The following PCM1 variants were observed in gnomAD, a reference collection of about 807,000 sequenced individuals.
PCM1 encodes the protein pericentriolar material 1 protein.
A neutral mutation model predicts 241.9 loss-of-function variants in PCM1; 157 were observed. That is an observed-to-expected ratio of 0.65 (90% CI 0.57 to 0.74). PCM1 has a LOEUF of 0.74. Ranked by LOEUF, PCM1 falls within the 30% of genes least tolerant of loss-of-function variation. The pLI, the probability that PCM1 is intolerant of heterozygous loss-of-function variation, is 0.00. For missense variants in PCM1, 3,478 were observed against 2,360.1 expected, an observed-to-expected ratio of 1.47 and a Z score of -9.81; for synonymous variants, 1,085 against 784.9, an observed-to-expected ratio of 1.38 and a Z score of -6.39.
rs1282684395 is a variant in PCM1 at position 17,964,622 on chromosome 8, T to C, written c.2709T>C (p.Asp903=). ...AGTGTGCACTAGATGAAGAAGGAGATGAAGACGGTTACCTTTCTGAAGGAA... is the reference window on the plus strand; with the variant it reads ...AGTGTGCACTAGATGAAGAAGGAGACGAAGACGGTTACCTTTCTGAAGGAA... The part of the protein sequence containing the change: ...STQCALDEEG[D]EDGYLSEGIV... Residue 903 remains aspartate, a synonymous_variant, in exon 18 of 39, where the codon GAT becomes GAC. Coordinates refer to ENST00000325083, the MANE Select transcript of PCM1 (RefSeq NM_006197.4). 1 of 1,613,840 alleles carries C rather than the reference T, an allele frequency of 6.2e-7. No individual in the cohort carries two copies. The highest frequency in any genetic ancestry group is 1.1e-5 in the South Asian group (1 of 91,074).
rs552526305 is a variant in PCM1 at position 18,021,006 on chromosome 8, C to G, written c.5842-4355C>G. On this transcript the variant is annotated intron_variant, in intron 36 of 38. Transcript: ENST00000325083. ...AGTATCAAGGAAATGCATGTGTGGA[C>G]TTTTATGGCCAAGTCTGAAATTGAC... is the stretch of plus-strand genomic sequence containing the variant. 3.3e-5 allele frequency among the ~76,000 whole-genome samples: 5 copies of G among 152,274 alleles called. No homozygotes were observed. In the East Asian group the frequency reaches 9.6e-4, roughly 29 times the overall value.
At chr8:18,012,192 T>C (rs1294853841) in intron 34 of PCM1, among the ~76,000 whole-genome samples, 1 of 152,154 alleles carries the variant, frequency 6.6e-6, no homozygotes, top group Non-Finnish European at 1.5e-5. Flanking sequence ...ATACACTGTT[T>C]TTAGTGGTGT....
Position 17,958,375 on chromosome 8 carries a change from A to G in PCM1, c.2040+600A>G, listed in dbSNP as rs140800439. On this transcript the variant is annotated intron_variant, in intron 13 of 38. Coordinates refer to ENST00000325083, the MANE Select transcript of PCM1 (RefSeq NM_006197.4). ...AGAACTATTAATCATAAATTTTAAAAAGCAGTTTATACATATTTTGTATTA... is the reference window on the plus strand; with the variant it reads ...AGAACTATTAATCATAAATTTTAAAGAGCAGTTTATACATATTTTGTATTA... 1.8e-4 allele frequency among the ~76,000 whole-genome samples: 27 copies of G among 152,270 alleles called. No homozygotes were observed. In the East Asian group the frequency reaches 4.6e-3, roughly 26 times the overall value.
chr8:17,939,967 A>G, intron 6 of PCM1, 106 bp downstream of exon 6: 1 of 1,208,184 alleles, frequency 8.3e-7, no homozygotes, highest in Non-Finnish European at 1.2e-6. Flanking sequence ...TATTTTCAAA[A>G]AATCATGCCA....
At chr8:18,020,988 A>G (rs778105763) in intron 36 of PCM1, among the ~76,000 whole-genome samples, 4 of 152,326 alleles carry the variant, frequency 2.6e-5, no homozygotes, top group African/African-American at 9.6e-5. Context: ...CTGAGTATCA[A>G]GGAAATGCAT....
At chr8:17,961,398 C>T (rs190340313) in intron 15 of PCM1, among the ~76,000 whole-genome samples, 44 of 147,870 alleles carry the variant, frequency 3.0e-4, no homozygotes, top group African/African-American at 1.1e-3. Flanking sequence ...GCAAGCTCCA[C>T]CTCCTGGGTT....
At chr8:17,944,787 T>G (rs1483144360) in intron 6 of PCM1, among the ~76,000 whole-genome samples, 1 of 152,168 alleles carries the variant, frequency 6.6e-6, no homozygotes, top group South Asian at 2.1e-4. Context: ...TCTGAAATGT[T>G]GTTTATATGA....
At chr8:17,957,847 A>C in intron 13 of PCM1, 72 bp downstream of exon 13, 2 of 1,046,290 alleles carry the variant, frequency 1.9e-6, no homozygotes, top group South Asian at 3.0e-5. Context: ...TGTGTATGAT[A>C]ATTACTTTGG....
intron 4 of PCM1, 86 bp downstream of exon 4, chr8:17,937,465 T>G: frequency 2.4e-6 from 3 of 1,242,914 alleles, no homozygotes; most frequent in South Asian, 3.0e-5. Flanking sequence ...AATAAAAAAT[T>G]GAGCTGTTTA....
Position 17,958,516 on chromosome 8 carries a change from A to G in PCM1, c.2040+741A>G, listed in dbSNP as rs535557138. 1.1e-4 allele frequency among the ~76,000 whole-genome samples: 17 copies of G among 152,286 alleles called. No individual in the cohort carries two copies. The South Asian group carries it at 3.5e-3, about 32-fold the overall frequency. ...TGCCTACACTTATAATTGTATAAAT[A>G]TGTAATTAACTATAATTGTATTACC... is the stretch of plus-strand genomic sequence containing the variant. On this transcript the variant is annotated intron_variant, in intron 13 of 38. Transcript: ENST00000325083.
At chr8:18,003,148 A>G (rs1231497147) in intron 29 of PCM1, among the ~76,000 whole-genome samples, 1 of 152,216 alleles carries the variant, frequency 6.6e-6, no homozygotes, top group Non-Finnish European at 1.5e-5. Flanking sequence ...CTCCATGCTA[A>G]AATACAAGAT....
chr8:18,001,214 A>C (rs892129815), intron 29 of PCM1, among the ~76,000 whole-genome samples: 1 of 152,308 alleles, frequency 6.6e-6, no homozygotes, highest in African/African-American at 2.4e-5. Flanking sequence ...GTAGTCATAA[A>C]ATACAATTTT....
chr8:18,025,374 G>C lies in PCM1; in HGVS notation c.5855G>C (p.Gly1952Ala). 6.3e-7 allele frequency: 1 copy of C among 1,586,034 alleles called. No individual in the cohort carries two copies. Among genetic ancestry groups the C allele is most frequent in the Non-Finnish European group, 8.6e-7 (1 of 1,158,864 alleles). The change falls in exon 37 of 39, where the codon GGT (glycine) becomes GCT (alanine). Residue 1952 changes from glycine (G) to alanine (A), a missense_variant. Coordinates refer to ENST00000325083, the MANE Select transcript of PCM1 (RefSeq NM_006197.4). ...ATTACATTACAGGAAGCAGAATCTG[G>C]TAATATAAGTCAAAAGTCTGATGAA... ...VLVNDYEAES[G>A]NISQKSDEED...
At chr8:17,954,500 T>G (rs1374669924) in intron 9 of PCM1, among the ~76,000 whole-genome samples, 2 of 152,138 alleles carry the variant, frequency 1.3e-5, no homozygotes, top group Non-Finnish European at 2.9e-5. Flanking sequence ...GTCGTCAGTT[T>G]TGTATGCATA....
chr8:17,977,451 T>C (rs2079161198), intron 23 of PCM1, among the ~76,000 whole-genome samples: 1 of 151,924 alleles, frequency 6.6e-6, no homozygotes, highest in African/African-American at 2.4e-5. Flanking sequence ...TTTGGGAAAA[T>C]TATTTGTTGT....
chr8:17,979,141 A>G (rs1406546238), intron 23 of PCM1, among the ~76,000 whole-genome samples: 1 of 152,090 alleles, frequency 6.6e-6, no homozygotes, highest in African/African-American at 2.4e-5. Flanking sequence ...AAGAAAAAAA[A>G]AAAAAAAGCA....
At chr8:17,975,174 GT>G (rs1237454180) in intron 23 of PCM1, among the ~76,000 whole-genome samples, 1 of 152,080 alleles carries the variant, frequency 6.6e-6, no homozygotes, top group Non-Finnish European at 1.5e-5. Context: ...GGTTTATGTG[GT>G]TTTTGTTCCT....
intron 1 of PCM1, 121 bp from the exon 2 acceptor site, chr8:17,924,592 A>G (rs2056152728): frequency 6.6e-6 from 1 of 152,202 alleles, no homozygotes; most frequent in Non-Finnish European, 1.5e-5. Flanking sequence ...AATAAGTTAT[A>G]TTTTTCCCCT....
At chr8:17,937,000 C>A in intron 3 of PCM1, 134 bp from the exon 4 acceptor site, 1 of 627,052 alleles carries the variant, frequency 1.6e-6, no homozygotes, top group Non-Finnish European at 2.7e-6. Flanking sequence ...AAATATTTGT[C>A]TCTAGGAGTA....
Sources: gnomAD v4.1 joint callset for allele counts (sites outside exome capture counted in the v4.1 genomes callset) on GRCh38, gnomAD v4.1.1 for gene constraint, MANE v1.5 for transcripts, NCBI Gene and HGNC (gene_info 2026-07-23, HGNC 2026-07-21) for gene names.